Variants in ATP8B4 observed in about 807,000 individuals in gnomAD.
The protein encoded by ATP8B4 is probable phospholipid-transporting ATPase IM.
ATP8B4 carries 133 observed loss-of-function variants against 145.6 expected under a neutral mutation model. The observed-to-expected ratio is 0.91, with a 90% CI of 0.79 to 1.05. The LOEUF (loss-of-function observed/expected upper bound fraction) is 1.05. ATP8B4 is among the 50% of genes least tolerant of loss of function. The pLI, the probability that ATP8B4 is intolerant of heterozygous loss-of-function variation, is 0.00. For synonymous variants in ATP8B4, 507 were observed against 492.9 expected, an observed-to-expected ratio of 1.03 and a Z score of -0.38; for missense variants, 1,458 against 1,425.2, an observed-to-expected ratio of 1.02 and a Z score of -0.37.
chr15:49,990,546 G>A (rs113160628), intron 9 of ATP8B4, among the ~76,000 whole-genome samples: 174 of 152,132 alleles, frequency 1.1e-3, no homozygotes, highest in Non-Finnish European at 2.1e-3. Flanking sequence ...AAATGCTCTA[G>A]ACCCATACTG....
chr15:50,112,651 T>C (rs1361892697), intron 1 of ATP8B4, among the ~76,000 whole-genome samples: 1 of 152,090 alleles, frequency 6.6e-6, no homozygotes, highest in Non-Finnish European at 1.5e-5. Flanking sequence ...GAGCAAGTCA[T>C]GTACCCTGCC....
At chr15:49,891,357 G>A (rs116655400) in intron 23 of ATP8B4, among the ~76,000 whole-genome samples, 1,830 of 151,668 alleles carry the variant, frequency 0.012, 57 homozygotes, top group East Asian at 0.11. Flanking sequence ...ATGGAGTCTC[G>A]CTCCATCACC....
At chr15:50,063,772 C>T (rs1245198676) in intron 3 of ATP8B4, among the ~76,000 whole-genome samples, 1 of 152,038 alleles carries the variant, frequency 6.6e-6, no homozygotes, top group East Asian at 1.9e-4. Flanking sequence ...AAAGGAATAG[C>T]AGGTGATTTT....
At chr15:49,906,500 A>G (rs879373442) in intron 20 of ATP8B4, among the ~76,000 whole-genome samples, 2 of 152,224 alleles carry the variant, frequency 1.3e-5, no homozygotes, top group Non-Finnish European at 2.9e-5. Flanking sequence ...CACTACTACT[A>G]GGACCACAAG....
chr15:50,089,669 C>A (rs1444521257), intron 2 of ATP8B4, among the ~76,000 whole-genome samples: 1 of 150,976 alleles, frequency 6.6e-6, no homozygotes, highest in African/African-American at 2.4e-5. Context: ...TTTTTTCTTT[C>A]TTTCTTTTTT....
intron 1 of ATP8B4, among the ~76,000 whole-genome samples, chr15:50,151,110 T>G (rs1357387742): frequency 6.6e-6 from 1 of 152,208 alleles, no homozygotes; most frequent in Non-Finnish European, 1.5e-5. Flanking sequence ...CTTATAGGGC[T>G]TCAGGAATGG....
chr15:50,056,571 C>T (rs939280263), intron 3 of ATP8B4, among the ~76,000 whole-genome samples: 16 of 152,006 alleles, frequency 1.1e-4, no homozygotes, highest in African/African-American at 3.9e-4. Flanking sequence ...TAGGGGTGCT[C>T]GTTTCCTGGG....
intron 1 of ATP8B4, among the ~76,000 whole-genome samples, chr15:50,134,739 G>T (rs2044098989): frequency 6.6e-6 from 1 of 152,224 alleles, no homozygotes; most frequent in African/African-American, 2.4e-5. Context: ...ACAACATTTG[G>T]CAACAGAAGG....
intron 1 of ATP8B4, among the ~76,000 whole-genome samples, chr15:50,152,036 T>G (rs949632241): frequency 6.6e-6 from 1 of 152,140 alleles, no homozygotes; most frequent in African/African-American, 2.4e-5. Flanking sequence ...TAATATCATG[T>G]AATTAATTTT....
chr15:50,147,439 AAAG>A (rs1341696117), intron 1 of ATP8B4, among the ~76,000 whole-genome samples: 4,947 of 133,186 alleles, frequency 0.037, 91 homozygotes, highest in Middle Eastern at 0.05. Context: ...AAAAAAAAAA[AAAG>A]TATATACTTC....
intron 20 of ATP8B4, among the ~76,000 whole-genome samples, chr15:49,901,500 C>T (rs1424526791): frequency 1.3e-5 from 2 of 152,082 alleles, no homozygotes. Context: ...AAAGCTAAAT[C>T]ACCATCTTGA....
chr15:50,099,249 T>C (rs1384014337), intron 2 of ATP8B4, among the ~76,000 whole-genome samples: 1 of 152,228 alleles, frequency 6.6e-6, no homozygotes, highest in Admixed American at 6.5e-5. Flanking sequence ...TTCTTCCTGA[T>C]TGCGGAAAAG....
chr15:50,046,554 TTAAA>T lies in ATP8B4; in HGVS notation c.201+793_201+796del, dbSNP rs530232586. ...GATTTCTGTCACTTGAAACATATTC[TTAAA>T]TAGATATTCAATTAAAGAGAAAACA... On this transcript the variant is annotated intron_variant, in intron 4 of 27. Transcript: ENST00000284509. Among the ~76,000 whole-genome samples, 304 of 152,372 alleles carry T rather than the reference TTAAA, an allele frequency of 2.0e-3. 1 individual carries two copies. The highest frequency in any genetic ancestry group is 7.0e-3 in the African/African-American group (293 of 41,588).
At chr15:49,878,217 A>G (rs1169300226) in intron 24 of ATP8B4, among the ~76,000 whole-genome samples, 1 of 152,230 alleles carries the variant, frequency 6.6e-6, no homozygotes, top group Non-Finnish European at 1.5e-5. Context: ...ACAAAGCTCC[A>G]AGAAAAGAAA....
intron 3 of ATP8B4, among the ~76,000 whole-genome samples, chr15:50,056,180 C>G (rs6493396): frequency 0.18 from 27,317 of 152,118 alleles, 4,039 homozygotes; most frequent in African/African-American, 0.41. Context: ...TATGAGGAGG[C>G]AAAGAGCAGA....
rs146123750 is a variant in ATP8B4 at position 49,863,076 on chromosome 15, C to G, written c.3167-701G>C. 4.9e-3 allele frequency among the ~76,000 whole-genome samples: 743 copies of G among 152,300 alleles called. 2 individuals carry two copies. Among genetic ancestry groups the G allele is most frequent in the Non-Finnish European group, 5.7e-3 (389 of 68,036 alleles). On this transcript the variant is annotated intron_variant, in intron 26 of 27. Transcript: ENST00000284509. ...AATGTTCCAGATGCAGGTACAATCT[C>G]AAGTAATGATCGCATTGATTGGCTT...
chr15:49,950,603 CA>C (rs1175818563), intron 14 of ATP8B4, among the ~76,000 whole-genome samples: 1 of 72,550 alleles, frequency 1.4e-5, no homozygotes, highest in Non-Finnish European at 2.9e-5. Context: ...AAAAAAAAAA[CA>C]AACAAACAAA....
chr15:50,074,857 G>C (rs1238368942), intron 2 of ATP8B4, among the ~76,000 whole-genome samples: 1 of 152,188 alleles, frequency 6.6e-6, no homozygotes, highest in Non-Finnish European at 1.5e-5. Context: ...CAGTGCCCCA[G>C]AAACACCGGC....
At chr15:50,020,578 C>G (rs12914707) in intron 6 of ATP8B4, among the ~76,000 whole-genome samples, 1 of 152,126 alleles carries the variant, frequency 6.6e-6, no homozygotes, top group African/African-American at 2.4e-5. Flanking sequence ...CACCTCTCCC[C>G]TAAGCTTCAG....
Sources: gnomAD v4.1 joint callset for allele counts (sites outside exome capture counted in the v4.1 genomes callset) on GRCh38, gnomAD v4.1.1 for gene constraint, MANE v1.5 for transcripts, NCBI Gene and HGNC (gene_info 2026-07-23, HGNC 2026-07-21) for gene names.